Variants in CACNA1A observed in about 807,000 individuals in gnomAD.
CACNA1A encodes voltage-dependent P/Q-type calcium channel subunit alpha-1A.
Under a neutral mutation model 262.4 loss-of-function variants are expected in CACNA1A, and 57 were observed. That is an observed-to-expected ratio of 0.22 (90% CI 0.18 to 0.27). The LOEUF (loss-of-function observed/expected upper bound fraction) is 0.27. Among genes scored for constraint, CACNA1A ranks in the 10% least tolerant of loss-of-function variants. The pLI, the probability that CACNA1A is intolerant of heterozygous loss-of-function variation, is 1.00. For synonymous variants in CACNA1A, 1,431 were observed against 1,419.3 expected (o/e 1.01, Z -0.18); for missense variants, 2,526 against 3,562.8 (o/e 0.71, Z 7.41).
Position 13,214,556 on chromosome 19 carries a change from C to A in CACNA1A, c.5784G>T (p.Ala1928=). The stretch of plus-strand genomic sequence containing the variant: ...TCTTCTGGGACAGATTGGGCCAAAT[C>A]GCCATCATCTCCTTCCGCAGCTCAG... ...MDAELRKEMM[A]IWPNLSQKTL... The change falls in exon 39 of 47, where the codon GCG becomes GCT. Residue 1928 remains alanine, a synonymous_variant. Coordinates refer to ENST00000360228, the MANE Select transcript of CACNA1A (RefSeq NM_001127222.2). The surrounding 1 kb of genome is among the most constrained non-coding windows in gnomAD (Gnocchi z 4.1). 1 of 1,613,986 alleles carries A rather than the reference C, an allele frequency of 6.2e-7. No individual in the cohort carries two copies. Among genetic ancestry groups the A allele is most frequent in the Non-Finnish European group, 8.5e-7 (1 of 1,179,876 alleles).
At position 13,207,971 on chromosome 19, in the gene CACNA1A, TG is replaced by T. The variant is rs2144493067; in HGVS notation, c.6862del (p.Gln2288ArgfsTer15). On this transcript the variant is annotated frameshift_variant, in exon 47 of 47. Coordinates refer to ENST00000360228, the MANE Select transcript of CACNA1A (RefSeq NM_001127222.2). LOFTEE classifies it low-confidence loss of function (END_TRUNC). This position sits in a 1 kb window ranked among gnomAD's most constrained non-coding sequence, Gnocchi z 5.7. ...GTGTGGCCGGGGGGTGGAGGGGGTCTGGGGGAGCTGGCGGCGGCCCCGCCGC... is the reference window on the plus strand; with the variant it reads ...GTGTGGCCGGGGGGTGGAGGGGGTCTGGGGAGCTGGCGGCGGCCCCGCCGC... The part of the protein sequence containing the change: ...TPRRGRRQLP[Q>X]TPSTPRPHVS... The T allele has an allele frequency of 1.2e-6, 1 of 803,598 alleles. No individual in the cohort carries two copies. 49.8% of individuals were successfully genotyped at this position (803,598 alleles called of 1,614,324 possible).
chr19:13,357,975 CCAGCCTGGACGA>C (rs1278913420), intron 6 of CACNA1A, among the ~76,000 whole-genome samples: 1 of 152,034 alleles, frequency 6.6e-6, no homozygotes, highest in Non-Finnish European at 1.5e-5. Flanking sequence ...CCACTGCGCT[CCAGCCTGGACGA>C]CAGAGGGAGA....
chr19:13,472,105 G>T (rs1978286156), intron 1 of CACNA1A, among the ~76,000 whole-genome samples: 1 of 152,064 alleles, frequency 6.6e-6, no homozygotes, highest in African/African-American at 2.4e-5. Context: ...TGGGACTACA[G>T]GTGCACACTA....
Position 13,312,707 on chromosome 19 carries a change from G to C in CACNA1A, c.1630C>G (p.Pro544Ala), listed in dbSNP as rs2058057600. 6.3e-7 allele frequency: 1 copy of C among 1,594,632 alleles called. No individual in the cohort carries two copies. The highest frequency in any genetic ancestry group is 8.5e-7 in the Non-Finnish European group (1 of 1,172,804). ...CAGTTGAAGGAAGAGTGGAAGTAAG[G>C]CCGCGTCCCAAGCCCGTACATTTTT... ...FIKMYGLGTR[P>A]YFHSSFNCFD... Residue 544 changes from proline to alanine, a missense_variant, in exon 12 of 47, where the codon CCT (proline) becomes GCT (alanine). Around this residue, in one of 17 missense-constraint regions of CACNA1A, gnomAD observed 102 missense variants for 278.9 expected, o/e 0.37. Coordinates refer to ENST00000360228, the MANE Select transcript of CACNA1A (RefSeq NM_001127222.2).
chr19:13,381,769 G>A (rs576888587), intron 3 of CACNA1A, among the ~76,000 whole-genome samples: 1 of 152,294 alleles, frequency 6.6e-6, no homozygotes, highest in African/African-American at 2.4e-5. Flanking sequence ...GCCATGCCTG[G>A]TGTATTTGAG....
At chr19:13,240,160 A>G (rs1259403064) in intron 31 of CACNA1A, among the ~76,000 whole-genome samples, 1 of 151,956 alleles carries the variant, frequency 6.6e-6, no homozygotes, top group Non-Finnish European at 1.5e-5. Flanking sequence ...AAAAAAAAAA[A>G]AAAAAAAGAG....
chr19:13,251,345 T>C (rs867910980), intron 30 of CACNA1A, among the ~76,000 whole-genome samples: 1 of 151,838 alleles, frequency 6.6e-6, no homozygotes, highest in East Asian at 1.9e-4. Flanking sequence ...TAGCCAGGTG[T>C]GGTGGCAGGC....
At chr19:13,358,885 G>A (rs1169132998) in intron 6 of CACNA1A, among the ~76,000 whole-genome samples, 2 of 152,190 alleles carry the variant, frequency 1.3e-5, no homozygotes, top group Admixed American at 1.3e-4. Context: ...CAAGGTGTGG[G>A]GAGAGCCAGC....
At chr19:13,417,889 CAAAAAA>C (rs113789898) in intron 3 of CACNA1A, among the ~76,000 whole-genome samples, 2 of 83,422 alleles carry the variant, frequency 2.4e-5, no homozygotes, top group African/African-American at 5.0e-5. Context: ...GACTCCATCT[CAAAAAA>C]AAAAAAAAAA....
intron 3 of CACNA1A, among the ~76,000 whole-genome samples, chr19:13,436,910 C>T (rs1024372405): frequency 2.0e-5 from 3 of 152,242 alleles, no homozygotes; most frequent in African/African-American, 7.2e-5. Context: ...TCTTCAAGGC[C>T]CCTGGACTGC....
At chr19:13,275,140 T>G (rs919847132) in intron 24 of CACNA1A, 2 of 151,894 alleles carry the variant, frequency 1.3e-5, no homozygotes, top group Non-Finnish European at 2.9e-5. Flanking sequence ...GAAGGTCACC[T>G]TGGAACTCAG....
At chr19:13,247,713 AAAATAAATAAATAAAT>A (rs144467626) in intron 30 of CACNA1A, among the ~76,000 whole-genome samples, 2 of 146,628 alleles carry the variant, frequency 1.4e-5, no homozygotes, top group East Asian at 2.0e-4. Flanking sequence ...TAAATAAATA[AAAATAAATAAATAAAT>A]AAATAAATAA....
At chr19:13,501,087 C>T (rs1056023013) in intron 1 of CACNA1A, among the ~76,000 whole-genome samples, 4 of 152,036 alleles carry the variant, frequency 2.6e-5, no homozygotes, top group African/African-American at 9.7e-5. Context: ...GAAACTGTCC[C>T]ATATCTTGAT....
chr19:13,333,324 C>A lies in CACNA1A; in HGVS notation c.1199-399G>T, dbSNP rs552599353. 1.4e-4 allele frequency among the ~76,000 whole-genome samples: 21 copies of A among 152,278 alleles called. 1 individual carries two copies. The South Asian group carries it at 4.1e-3, about 30-fold the overall frequency. On this transcript the variant is annotated intron_variant, in intron 8 of 46. Transcript: ENST00000360228. The stretch of plus-strand genomic sequence containing the variant: ...GCACTTGCTGTCTCTGCCTGGAATG[C>A]CCCTTCCCTTGACATCCCCACAGCT...
At chr19:13,408,988 A>G (rs2060061023) in intron 3 of CACNA1A, among the ~76,000 whole-genome samples, 1 of 152,226 alleles carries the variant, frequency 6.6e-6, no homozygotes, top group South Asian at 2.1e-4. Context: ...TACCGACTTC[A>G]TGCTGACTGT....
At chr19:13,421,273 G>T (rs766191345) in intron 3 of CACNA1A, among the ~76,000 whole-genome samples, 2 of 151,850 alleles carry the variant, frequency 1.3e-5, no homozygotes, top group Non-Finnish European at 2.9e-5. Context: ...GTTTTAATCC[G>T]GTGGCCTTTT....
intron 30 of CACNA1A, among the ~76,000 whole-genome samples, chr19:13,248,873 T>C (rs934648993): frequency 2.0e-5 from 3 of 151,944 alleles, no homozygotes; most frequent in African/African-American, 7.3e-5. Flanking sequence ...AAATTACAGA[T>C]TCAGTGATTC....
intron 31 of CACNA1A, among the ~76,000 whole-genome samples, chr19:13,240,048 G>A (rs938307405): frequency 6.6e-6 from 1 of 151,908 alleles, no homozygotes; most frequent in African/African-American, 2.4e-5. Flanking sequence ...GTACTCAGGA[G>A]GCTGAGGCAT....
rs796883032 is a variant in CACNA1A at position 13,336,584 on chromosome 19, A to AGAGAGAGAGGGAGAGAGAGG, written c.979-676_979-675insCCTCTCTCTCCCTCTCTCTC. Reference sequence around the variant, plus strand: ...GGGGTGGAGAGAGAAAGAGAGACAGAGAGAGAGAGGGAGAGAGAGAGAGAG... The same window carrying AGAGAGAGAGGGAGAGAGAGG: ...GGGGTGGAGAGAGAAAGAGAGACAGAGAGAGAGAGGGAGAGAGAGGGAGAGAGAGGGAGAGAGAGAGAGAG... On this transcript the variant is annotated intron_variant, in intron 6 of 46. Transcript: ENST00000360228. Among the ~76,000 whole-genome samples the AGAGAGAGAGGGAGAGAGAGG allele has an allele frequency of 7.4e-4, 75 of 101,918 alleles. 6 individuals are homozygous for AGAGAGAGAGGGAGAGAGAGG. The highest frequency in any genetic ancestry group is 3.4e-3 in the South Asian group (8 of 2,388). 66.9% of individuals were successfully genotyped at this position (101,918 alleles called of 152,430 possible).
Sources: allele counts gnomAD v4.1 joint callset (sites outside exome capture counted in the v4.1 genomes callset), GRCh38; gene constraint gnomAD v4.1.1; regional missense constraint gnomAD v4.1.1; non-coding constraint Gnocchi (gnomAD v3.1); transcripts MANE v1.5; gene names NCBI Gene and HGNC (gene_info 2026-07-23, HGNC 2026-07-21).